NRP1: variants seen among roughly 807,000 people sequenced by gnomAD.
NRP1 encodes neuropilin-1.
In NRP1, 35 loss-of-function variants were observed where a neutral mutation model predicts 106.7. That is an observed-to-expected ratio of 0.33 (90% CI 0.25 to 0.43). The LOEUF (loss-of-function observed/expected upper bound fraction) is 0.43. Ranked by LOEUF, NRP1 falls within the 20% of genes least tolerant of loss-of-function variation. NRP1 has a pLI of 1.00. For synonymous variants in NRP1, 437 were observed against 417.9 expected (o/e 1.05, Z -0.56); for missense variants, 1,024 against 1,170.4 (o/e 0.87, Z 1.83).
intron 1 of NRP1, 22 bp from the exon 2 acceptor site, chr10:33,330,904 A>C: frequency 6.3e-6 from 10 of 1,582,390 alleles, no homozygotes; most frequent in Non-Finnish European, 8.6e-6. Flanking sequence ...GTAAGATTTT[A>C]GCAGATCTTT....
intron 10 of NRP1, among the ~76,000 whole-genome samples, chr10:33,204,904 G>A (rs1837641696): frequency 6.6e-6 from 1 of 151,994 alleles, no homozygotes; most frequent in Non-Finnish European, 1.5e-5. Context: ...GCTAATTTTT[G>A]TATTTTTAGT....
At position 33,192,368 on chromosome 10, in the gene NRP1, T is replaced by A. The variant is rs777065128; in HGVS notation, c.1975A>T (p.Thr659Ser). 8.1e-6 allele frequency: 13 copies of A among 1,613,732 alleles called. No homozygotes were observed. In the East Asian group the frequency reaches 1.8e-4, roughly 22 times the overall value. ...TTGTCATGTTCCCAGTGGCAGAAGGTCTTGTGAGAGCCCCAGCCAAATTCA... is the reference window on the plus strand; with the variant it reads ...TTGTCATGTTCCCAGTGGCAGAAGGACTTGTGAGAGCCCCAGCCAAATTCA... ...NCEFGWGSHK[T>S]FCHWEHDNHV... The change falls in exon 13 of 17, where the codon ACC (threonine) becomes TCC (serine). Residue 659 changes from threonine (T) to serine (S), a missense_variant. Thr to Ser is a moderately conservative substitution (Grantham distance 58, BLOSUM62 1). Coordinates refer to ENST00000374867, the MANE Select transcript of NRP1 (RefSeq NM_003873.7).
At chr10:33,185,586 TG>T in intron 15 of NRP1, 41 bp downstream of exon 15, 2 of 1,457,778 alleles carry the variant, frequency 1.4e-6, no homozygotes, top group Non-Finnish European at 1.9e-6. Context: ...AGTCTTGCCC[TG>T]GGCAAGCACT....
chr10:33,307,398 G>A (rs1169277824), intron 2 of NRP1, among the ~76,000 whole-genome samples: 2 of 152,118 alleles, frequency 1.3e-5, no homozygotes, highest in Non-Finnish European at 2.9e-5. Flanking sequence ...GATTGAGGCT[G>A]TCTTGCATGC....
chr10:33,230,742 T>C (rs1379187402), intron 6 of NRP1, among the ~76,000 whole-genome samples: 2 of 152,114 alleles, frequency 1.3e-5, no homozygotes, highest in Non-Finnish European at 2.9e-5. Context: ...ATTGTGAAAA[T>C]GGTGTATAAG....
At chr10:33,277,852 ATATT>A (rs1431589955) in intron 2 of NRP1, among the ~76,000 whole-genome samples, 4 of 152,110 alleles carry the variant, frequency 2.6e-5, no homozygotes, top group South Asian at 4.2e-4. Context: ...TTTTTCACAC[ATATT>A]TATTTATTCA....
At chr10:33,272,216 A>C (rs1843357062) in intron 2 of NRP1, among the ~76,000 whole-genome samples, 1 of 152,246 alleles carries the variant, frequency 6.6e-6, no homozygotes, top group Non-Finnish European at 1.5e-5. Flanking sequence ...GGCTCTCTAA[A>C]TTAAAAATGA....
intron 11 of NRP1, among the ~76,000 whole-genome samples, chr10:33,198,557 G>T (rs1564371924): frequency 6.6e-6 from 1 of 151,808 alleles, no homozygotes; most frequent in South Asian, 2.1e-4. Context: ...ACGACGCATG[G>T]CACACAATTG....
intron 7 of NRP1, among the ~76,000 whole-genome samples, chr10:33,224,006 A>T (rs1224587207): frequency 2.0e-5 from 3 of 152,246 alleles, no homozygotes; most frequent in South Asian, 2.1e-4. Context: ...GGGTTGCTGG[A>T]GTTGTTGGTG....
intron 3 of NRP1, 74 bp from the exon 4 acceptor site, chr10:33,263,947 AAG>A: frequency 1.1e-6 from 1 of 912,308 alleles, no homozygotes; most frequent in Non-Finnish European, 1.8e-6. Flanking sequence ...AACCTGGGTA[AAG>A]ACAGAACATC....
intron 6 of NRP1, among the ~76,000 whole-genome samples, chr10:33,232,746 A>G (rs949482274): frequency 6.8e-5 from 10 of 147,490 alleles, no homozygotes; most frequent in African/African-American, 2.5e-4. Flanking sequence ...AGGTTCAAGC[A>G]ATTCTCCTGC....
In NRP1 at chr10:33,256,429, C is replaced by T. The variant is rs1032055908; in HGVS notation, c.701G>A (p.Gly234Asp). 5 of 1,614,020 alleles carry T rather than the reference C, an allele frequency of 3.1e-6. No individual in the cohort carries two copies. The highest frequency in any genetic ancestry group is 2.7e-5 in the African/African-American group (2 of 74,892). ...IGRYCGQKTP[G>D]RIRSSSGILS... ...AATGCCCGATGAGGATCGGATTCGA[C>T]CTGGTGTTTTCTGTCCACAGTAACG... is the stretch of plus-strand genomic sequence containing the variant. The change falls in exon 5 of 17, where the codon GGT becomes GAT. Residue 234 changes from glycine (G) to aspartate (D), a missense_variant. Gly to Asp is a moderately conservative substitution (Grantham distance 94). Coordinates refer to ENST00000374867, the MANE Select transcript of NRP1 (RefSeq NM_003873.7).
chr10:33,293,745 G>A (rs1409166859), intron 2 of NRP1, among the ~76,000 whole-genome samples: 1 of 152,132 alleles, frequency 6.6e-6, no homozygotes, highest in Non-Finnish European at 1.5e-5. Context: ...TCGCGTGCAT[G>A]CACACACACA....
intron 2 of NRP1, among the ~76,000 whole-genome samples, chr10:33,323,228 T>G (rs1847645705): frequency 9.4e-6 from 1 of 106,664 alleles, no homozygotes; most frequent in Non-Finnish European, 2.2e-5. Context: ...AATAAATAAA[T>G]AAATATGTTT....
At chr10:33,219,625 C>T (rs1839069173) in intron 8 of NRP1, among the ~76,000 whole-genome samples, 1 of 152,108 alleles carries the variant, frequency 6.6e-6, no homozygotes, top group African/African-American at 2.4e-5. Context: ...AAAAATTGAA[C>T]AAATTATTTA....
intron 8 of NRP1, among the ~76,000 whole-genome samples, chr10:33,220,956 G>C (rs932786929): frequency 1.1e-4 from 16 of 151,602 alleles, no homozygotes; most frequent in African/African-American, 3.9e-4. Flanking sequence ...GCTGGCCAGG[G>C]GCAGTAGCTC....
intron 2 of NRP1, among the ~76,000 whole-genome samples, chr10:33,324,875 C>T (rs1847778916): frequency 6.6e-6 from 1 of 152,194 alleles, no homozygotes; most frequent in Non-Finnish European, 1.5e-5. Context: ...CTCCTGACTT[C>T]AAGTGATGCC....
At chr10:33,325,292 TAA>T (rs1292889748) in intron 2 of NRP1, among the ~76,000 whole-genome samples, 1 of 152,202 alleles carries the variant, frequency 6.6e-6, no homozygotes, top group African/African-American at 2.4e-5. Context: ...AGTGATGCTC[TAA>T]AATACAAGAC....
intron 2 of NRP1, among the ~76,000 whole-genome samples, chr10:33,283,925 A>T (rs1171986941): frequency 6.6e-6 from 1 of 152,190 alleles, no homozygotes; most frequent in Admixed American, 6.5e-5. Context: ...AACAAGGGGA[A>T]CATACAACCC....
Sources: allele counts gnomAD v4.1 joint callset (sites outside exome capture counted in the v4.1 genomes callset), GRCh38; gene constraint gnomAD v4.1.1; transcripts MANE v1.5; gene names NCBI Gene and HGNC (gene_info 2026-07-23, HGNC 2026-07-21).